Variants in CSMD1 observed in about 807,000 individuals in gnomAD.
CSMD1 encodes the protein CUB and sushi domain-containing protein 1.
Under a neutral mutation model 417.5 loss-of-function variants are expected in CSMD1, and 213 were observed. The observed-to-expected ratio is 0.51, with a 90% CI of 0.46 to 0.57. The LOEUF (loss-of-function observed/expected upper bound fraction) is 0.57. CSMD1 is among the 20% of genes least tolerant of loss of function. The probability of loss-of-function intolerance (pLI) is 0.00; values close to 1 mark genes in which losing one functional copy is unlikely to be tolerated. For missense variants in CSMD1, 6,923 were observed against 4,529.7 expected, an observed-to-expected ratio of 1.53 and a Z score of -15.17; for synonymous variants, 2,862 against 1,736.8, an observed-to-expected ratio of 1.65 and a Z score of -16.11.
chr8:4,297,460 C>G (rs1285051306), intron 3 of CSMD1, among the ~76,000 whole-genome samples: 4 of 152,166 alleles, frequency 2.6e-5, no homozygotes, highest in Non-Finnish European at 1.5e-5. Flanking sequence ...TGCTGGGCGT[C>G]CGCAAGCTAA....
intron 18 of CSMD1, among the ~76,000 whole-genome samples, chr8:3,385,920 G>T (rs960518321): frequency 6.6e-6 from 1 of 151,984 alleles, no homozygotes; most frequent in Non-Finnish European, 1.5e-5. Context: ...GAAAAAAAAA[G>T]CACTAGGTAA....
intron 1 of CSMD1, among the ~76,000 whole-genome samples, chr8:4,678,773 G>A (rs933396680): frequency 1.1e-4 from 17 of 152,114 alleles, no homozygotes; most frequent in East Asian, 3.9e-4. Context: ...GTTGTCTCTC[G>A]TCTTACCTTT....
chr8:4,287,650 T>C (rs1695450442), intron 3 of CSMD1, among the ~76,000 whole-genome samples: 2 of 122,446 alleles, frequency 1.6e-5, no homozygotes, highest in Admixed American at 1.0e-4. Context: ...AGTCTCGTCA[T>C]AGGTGGTATT....
At chr8:3,732,257 G>C (rs376618951) in intron 6 of CSMD1, among the ~76,000 whole-genome samples, 102 of 152,272 alleles carry the variant, frequency 6.7e-4, no homozygotes, top group African/African-American at 2.3e-3. Flanking sequence ...GCAATTACTC[G>C]ATACAAAGCT....
At chr8:3,510,906 C>G (rs1056305472) in intron 10 of CSMD1, among the ~76,000 whole-genome samples, 1 of 151,752 alleles carries the variant, frequency 6.6e-6, no homozygotes, top group Non-Finnish European at 1.5e-5. Flanking sequence ...TGGATATTAG[C>G]CCTTCGTCAG....
chr8:3,618,628 C>T, intron 7 of CSMD1, among the ~76,000 whole-genome samples: 1 of 152,122 alleles, frequency 6.6e-6, no homozygotes, highest in South Asian at 2.1e-4. Flanking sequence ...AGACAGAAAG[C>T]TCCAGACCTG....
intron 3 of CSMD1, among the ~76,000 whole-genome samples, chr8:4,100,318 T>G (rs2130876031): frequency 6.6e-6 from 1 of 152,290 alleles, no homozygotes; most frequent in East Asian, 1.9e-4. Flanking sequence ...AATGAAACCT[T>G]CACCAAATGA....
intron 6 of CSMD1, among the ~76,000 whole-genome samples, chr8:3,726,291 A>G (rs1293339356): frequency 6.6e-6 from 1 of 152,224 alleles, no homozygotes. Flanking sequence ...TCCCTTAAAA[A>G]ATACGTGAGC....
intron 3 of CSMD1, among the ~76,000 whole-genome samples, chr8:4,092,258 T>G (rs911343937): frequency 3.3e-5 from 5 of 152,126 alleles, no homozygotes; most frequent in Non-Finnish European, 7.3e-5. Flanking sequence ...AAACCTCCAT[T>G]AATTTGTTCC....
At chr8:3,583,634 G>A (rs775568023) in intron 9 of CSMD1, among the ~76,000 whole-genome samples, 2 of 151,974 alleles carry the variant, frequency 1.3e-5, no homozygotes, top group Admixed American at 1.3e-4. Context: ...AAACTGAGGG[G>A]AGGACTATCA....
intron 3 of CSMD1, among the ~76,000 whole-genome samples, chr8:4,351,987 G>T (rs953545358): frequency 4.9e-5 from 7 of 144,242 alleles, no homozygotes; most frequent in Non-Finnish European, 9.0e-5. Context: ...TGAGTGGCTT[G>T]AAACACGGGT....
Position 3,387,698 on chromosome 8 carries a change from G to C in CSMD1, c.2594-16C>G. On this transcript the variant is annotated splice_polypyrimidine_tract_variant and intron_variant, in intron 17 of 69. Transcript: ENST00000635120. ...AGCGTCACACCTGGATGCACAGAAC[G>C]AATGCAGTCGATGAGGATCTTTCTG... 1 of 1,575,430 alleles carries C rather than the reference G, an allele frequency of 6.3e-7. No individual in the cohort carries two copies. The highest frequency in any genetic ancestry group is 8.6e-7 in the Non-Finnish European group (1 of 1,159,132).
Position 3,556,537 on chromosome 8 carries a change from CACACACACACACA to C in CSMD1, c.1344+18395_1344+18407del, listed in dbSNP as rs1799158621. On this transcript the variant is annotated intron_variant, in intron 10 of 69. Transcript: ENST00000635120. ...ACACGCACACACACACACACACACA[CACACACACACACA>C]CCCTCTCTCTCTTTCAGAAATGGAA... Among the ~76,000 whole-genome samples the C allele has an allele frequency of 4.0e-5, 6 of 149,150 alleles. No individual in the cohort carries two copies. The South Asian group carries it at 8.5e-4, about 21-fold the overall frequency.
At chr8:3,505,919 A>C (rs75094685) in intron 10 of CSMD1, among the ~76,000 whole-genome samples, 2 of 152,212 alleles carry the variant, frequency 1.3e-5, no homozygotes, top group African/African-American at 4.8e-5. Context: ...TTCTTTACAA[A>C]TACACTAAAA....
intron 57 of CSMD1, 58 bp downstream of exon 57, chr8:2,973,059 A>G: frequency 6.5e-7 from 1 of 1,530,200 alleles, no homozygotes. Context: ...CAGGCATTTT[A>G]GAACGAGCTG....
At position 4,108,107 on chromosome 8, in the gene CSMD1, C is replaced by CGGA. The variant is rs751095731; in HGVS notation, c.416-76011_416-76009dup. ...AGACAGAGAGAGAACAAGAAAAAGA[C>CGGA]GGAGGAGGAGGAGGAGGAGGGTAGG... On this transcript the variant is annotated intron_variant, in intron 3 of 69. Coordinates refer to ENST00000635120, the MANE Select transcript of CSMD1 (RefSeq NM_033225.6). 7.2e-4 allele frequency among the ~76,000 whole-genome samples: 108 copies of CGGA among 150,392 alleles called. No homozygotes were observed. In the East Asian group the frequency reaches 8.5e-3, roughly 12 times the overall value.
chr8:4,357,773 G>C (rs915747014), intron 3 of CSMD1, among the ~76,000 whole-genome samples: 1 of 151,964 alleles, frequency 6.6e-6, no homozygotes, highest in Non-Finnish European at 1.5e-5. Context: ...AAAATGAAAA[G>C]AATAAGGAGG....
At chr8:3,799,876 A>G (rs907840033) in intron 5 of CSMD1, among the ~76,000 whole-genome samples, 4 of 152,150 alleles carry the variant, frequency 2.6e-5, no homozygotes, top group Admixed American at 2.6e-4. Flanking sequence ...TTTAAGCTAC[A>G]TTGCTGACTT....
chr8:4,270,672 C>G lies in CSMD1; in HGVS notation c.415+149281G>C, dbSNP rs111376283. ...AGATCGCGTGTCTGCCAATGTAGCTCCTTTCTTCTACTAAAACCGTCTGAT... is the reference window on the plus strand; with the variant it reads ...AGATCGCGTGTCTGCCAATGTAGCTGCTTTCTTCTACTAAAACCGTCTGAT... On this transcript the variant is annotated intron_variant, in intron 3 of 69. Transcript: ENST00000635120. 5.9e-3 allele frequency among the ~76,000 whole-genome samples: 903 copies of G among 152,248 alleles called. 10 individuals are homozygous for G. Among genetic ancestry groups the G allele is most frequent in the African/African-American group, 0.02 (827 of 41,528 alleles).
Sources: gnomAD v4.1 joint callset for allele counts (sites outside exome capture counted in the v4.1 genomes callset) on GRCh38, gnomAD v4.1.1 for gene constraint, MANE v1.5 for transcripts, NCBI Gene and HGNC (gene_info 2026-07-23, HGNC 2026-07-21) for gene names.